The following EEFSEC variants were observed in gnomAD, a reference collection of about 807,000 sequenced individuals.
EEFSEC encodes selenocysteine-specific elongation factor.
In EEFSEC, 43 loss-of-function variants were observed where a neutral mutation model predicts 42.1. The observed-to-expected ratio is 1.02, with a 90% confidence interval of 0.80 to 1.32. EEFSEC has a LOEUF of 1.32. Among genes scored for constraint, EEFSEC ranks in the 40% most tolerant of loss-of-function variants. EEFSEC has a pLI of 0.00. For synonymous variants in EEFSEC, 354 were observed against 339.1 expected, an observed-to-expected ratio of 1.04 and a Z score of -0.48; for missense variants, 745 against 803.6, an observed-to-expected ratio of 0.93 and a Z score of 0.88.
chr3:128,283,580 A>G (rs2066552190), intron 4 of EEFSEC, among the ~76,000 whole-genome samples: 2 of 152,148 alleles, frequency 1.3e-5, no homozygotes, highest in African/African-American at 4.8e-5. Context: ...GCAATGCTGC[A>G]CAAGTGCTGA....
At chr3:128,388,136 T>C (rs1253411646) in intron 6 of EEFSEC, among the ~76,000 whole-genome samples, 1 of 152,238 alleles carries the variant, frequency 6.6e-6, no homozygotes, top group Non-Finnish European at 1.5e-5. Context: ...AAAAGTCCTT[T>C]CTCTGAGCTC....
At chr3:128,316,553 G>A (rs1304111194) in intron 4 of EEFSEC, among the ~76,000 whole-genome samples, 1 of 152,202 alleles carries the variant, frequency 6.6e-6, no homozygotes, top group African/African-American at 2.4e-5. Context: ...AAAGTGTGCT[G>A]CACAGCATCT....
intron 6 of EEFSEC, among the ~76,000 whole-genome samples, chr3:128,384,207 C>T (rs1449286463): frequency 1.3e-5 from 2 of 152,138 alleles, no homozygotes. Context: ...CAGGCAGAAG[C>T]GTCCGTGGCT....
chr3:128,239,042 G>A (rs1305453810), intron 1 of EEFSEC, among the ~76,000 whole-genome samples: 1 of 152,212 alleles, frequency 6.6e-6, no homozygotes, highest in Admixed American at 6.5e-5. Flanking sequence ...AGTCTGGTGA[G>A]ATTTGGCCAG....
intron 6 of EEFSEC, among the ~76,000 whole-genome samples, chr3:128,370,685 C>T (rs963273725): frequency 6.6e-6 from 1 of 152,276 alleles, no homozygotes; most frequent in Non-Finnish European, 1.5e-5. Flanking sequence ...CATTGCCCCT[C>T]TCCCTGTGAC....
intron 1 of EEFSEC, among the ~76,000 whole-genome samples, chr3:128,229,038 A>G (rs1449113957): frequency 6.6e-6 from 1 of 152,216 alleles, no homozygotes; most frequent in Non-Finnish European, 1.5e-5. Flanking sequence ...TCCTGGGGCT[A>G]TATTGAGACT....
At chr3:128,313,406 TG>T (rs1452729328) in intron 4 of EEFSEC, among the ~76,000 whole-genome samples, 1 of 152,226 alleles carries the variant, frequency 6.6e-6, no homozygotes, top group African/African-American at 2.4e-5. Flanking sequence ...CCATGCCATG[TG>T]GGAGCCACGG....
In EEFSEC at chr3:128,385,060, GCCC is replaced by G. The variant is rs143955770; in HGVS notation, c.1601-23008_1601-23006del. 4.1e-4 allele frequency among the ~76,000 whole-genome samples: 62 copies of G among 152,288 alleles called. No individual in the cohort carries two copies. The East Asian group carries it at 9.3e-3, about 23-fold the overall frequency. On this transcript the variant is annotated intron_variant, in intron 6 of 6. Transcript: ENST00000254730. ...AACCCCATAGATGTCAGGCTTCCTGGCCCAGGACAAGGAGTGGCAGAGGCATAG... is the reference window on the plus strand; with the variant it reads ...AACCCCATAGATGTCAGGCTTCCTGGAGGACAAGGAGTGGCAGAGGCATAG...
At position 128,177,060 on chromosome 3, in the gene EEFSEC, G is replaced by A. The variant is rs575990343; in HGVS notation, c.316+23237G>A. The stretch of plus-strand genomic sequence containing the variant: ...CACCCAGGCTGGAGTGCGGTAGCAT[G>A]ATCTCAGCTCACTGCAACCTCCGCT... On this transcript the variant is annotated intron_variant, in intron 1 of 6. Coordinates refer to ENST00000254730, the MANE Select transcript of EEFSEC (RefSeq NM_021937.5). Among the ~76,000 whole-genome samples the A allele has an allele frequency of 2.4e-3, 362 of 151,842 alleles. 1 individual carries two copies. Among genetic ancestry groups the A allele is most frequent in the Non-Finnish European group, 4.0e-3 (271 of 67,944 alleles).
At chr3:128,383,196 C>G (rs192577785) in intron 6 of EEFSEC, among the ~76,000 whole-genome samples, 13 of 152,348 alleles carry the variant, frequency 8.5e-5, no homozygotes, top group Admixed American at 3.3e-4. Flanking sequence ...GCATCTAGCA[C>G]TATCGGAAAC....
chr3:128,368,634 C>T (rs887822722), intron 6 of EEFSEC, among the ~76,000 whole-genome samples: 2 of 152,248 alleles, frequency 1.3e-5, no homozygotes, highest in African/African-American at 4.8e-5. Context: ...GAAGCTTTCT[C>T]ACTGTTGCTA....
At chr3:128,251,417 C>G (rs1318725268) in intron 2 of EEFSEC, among the ~76,000 whole-genome samples, 3 of 152,146 alleles carry the variant, frequency 2.0e-5, no homozygotes, top group African/African-American at 7.2e-5. Flanking sequence ...CAGAAGTGTT[C>G]TACCATTTTA....
chr3:128,240,169 A>T (rs974512455), intron 1 of EEFSEC, among the ~76,000 whole-genome samples: 4 of 152,188 alleles, frequency 2.6e-5, no homozygotes, highest in African/African-American at 9.7e-5. Flanking sequence ...CTCCATCAGC[A>T]GGCTTTGTCC....
intron 1 of EEFSEC, among the ~76,000 whole-genome samples, chr3:128,192,413 G>A (rs547157108): frequency 1.4e-4 from 21 of 152,268 alleles, no homozygotes; most frequent in Admixed American, 5.9e-4. Context: ...TTCATTCAAG[G>A]CTGTGCCTGT....
chr3:128,264,761 G>C lies in EEFSEC; in HGVS notation c.766G>C (p.Val256Leu). 6.2e-7 allele frequency: 1 copy of C among 1,614,052 alleles called. No individual in the cohort carries two copies. Among genetic ancestry groups the C allele is most frequent in the Non-Finnish European group, 8.5e-7 (1 of 1,179,952 alleles). ...AGGCTCCATCAGCCTCGGTGACAGT[G>C]TGGAGATCCCTGCCCTCAAGGTCAG... The part of the protein sequence containing the change: ...LSGSISLGDS[V>L]EIPALKVVKK... Residue 256 changes from valine to leucine, a missense_variant, in exon 4 of 7, where the codon GTG becomes CTG. Val to Leu is a conservative substitution (Grantham distance 32, BLOSUM62 1). Coordinates refer to ENST00000254730, the MANE Select transcript of EEFSEC (RefSeq NM_021937.5).
At chr3:128,425,419 G>A in the EEFSEC span, among the ~76,000 whole-genome samples, 1 of 152,088 alleles carries the variant, frequency 6.6e-6, no homozygotes, top group Non-Finnish European at 1.5e-5. Context: ...GGACACTCGG[G>A]CTGCTTCCAG....
rs893357951 is a variant in EEFSEC at position 128,252,516 on chromosome 3, A to G, written c.524+5473A>G. ...CTTGGCACTGTACTAGGGGTTTCGC[A>G]TGCATAGTTCGTGGAATCAGTCGGA... is the stretch of plus-strand genomic sequence containing the variant. On this transcript the variant is annotated intron_variant, in intron 2 of 6. Transcript: ENST00000254730. 7.9e-5 allele frequency among the ~76,000 whole-genome samples: 12 copies of G among 152,328 alleles called. 1 individual carries two copies. Among genetic ancestry groups the G allele is most frequent in the Admixed American group, 7.2e-4 (11 of 15,300 alleles).
chr3:128,181,207 C>T (rs1405364900), intron 1 of EEFSEC, among the ~76,000 whole-genome samples: 1 of 152,218 alleles, frequency 6.6e-6, no homozygotes, highest in African/African-American at 2.4e-5. Context: ...GGGGCCCCAT[C>T]TTTTCCATCC....
At chr3:128,228,461 G>C (rs776337580) in intron 1 of EEFSEC, among the ~76,000 whole-genome samples, 11 of 152,170 alleles carry the variant, frequency 7.2e-5, no homozygotes, top group Non-Finnish European at 1.3e-4. Context: ...TGAGTGAGGA[G>C]CTGAAGCATG....
Sources: allele counts gnomAD v4.1 joint callset (sites outside exome capture counted in the v4.1 genomes callset), GRCh38; gene constraint gnomAD v4.1.1; transcripts MANE v1.5; gene names NCBI Gene and HGNC (gene_info 2026-07-23, HGNC 2026-07-21).